The following GATAD2B variants were observed in gnomAD, a reference collection of about 807,000 sequenced individuals.
GATAD2B encodes the protein GATA zinc finger domain containing 2B.
Under a neutral mutation model 64.3 loss-of-function variants are expected in GATAD2B, and 8 were observed. The observed-to-expected ratio is 0.12, with a 90% CI of 0.07 to 0.22. The LOEUF (loss-of-function observed/expected upper bound fraction) is 0.22, where lower values mean the gene tolerates loss of function less well. Ranked by LOEUF, GATAD2B falls within the 10% of genes least tolerant of loss-of-function variation. The pLI is 1.00. For missense variants in GATAD2B, 453 were observed against 752.0 expected, an observed-to-expected ratio of 0.60 and a Z score of 4.65; for synonymous variants, 281 against 271.3, an observed-to-expected ratio of 1.04 and a Z score of -0.35.
intron 1 of GATAD2B, among the ~76,000 whole-genome samples, chr1:153,915,461 T>C (rs773479519): frequency 2.2e-4 from 33 of 151,796 alleles, no homozygotes; most frequent in Non-Finnish European, 4.1e-4. Flanking sequence ...ATAAAAATTA[T>C]GAGGGCAAAG....
chr1:153,819,540 C>T (rs1674600168), intron 3 of GATAD2B, 66 bp downstream of exon 3: 2 of 1,150,516 alleles, frequency 1.7e-6, no homozygotes, highest in Admixed American at 2.4e-5. Context: ...AGAACTAAAT[C>T]TCTTGAGGAA....
intron 1 of GATAD2B, among the ~76,000 whole-genome samples, chr1:153,904,163 C>T (rs1027226079): frequency 2.0e-5 from 3 of 151,948 alleles, no homozygotes; most frequent in African/African-American, 7.3e-5. Flanking sequence ...ATCTGTAATC[C>T]CAGCTACTTG....
At chr1:153,911,160 T>C (rs1678098578) in intron 1 of GATAD2B, among the ~76,000 whole-genome samples, 1 of 152,080 alleles carries the variant, frequency 6.6e-6, no homozygotes. Flanking sequence ...AGAAAAGCTT[T>C]CAAGAAATTA....
chr1:153,858,259 T>C (rs1365624073), intron 1 of GATAD2B, among the ~76,000 whole-genome samples: 2 of 152,144 alleles, frequency 1.3e-5, no homozygotes, highest in Non-Finnish European at 2.9e-5. Flanking sequence ...ATTCCCTTTA[T>C]TGAGTTAAAA....
At chr1:153,883,647 C>T (rs1049524426) in intron 1 of GATAD2B, among the ~76,000 whole-genome samples, 3 of 152,028 alleles carry the variant, frequency 2.0e-5, no homozygotes, top group Non-Finnish European at 4.4e-5. Context: ...TTTTTAACAA[C>T]CCATTCAAAG....
chr1:153,900,722 G>A (rs557251616), intron 1 of GATAD2B, among the ~76,000 whole-genome samples: 13 of 152,026 alleles, frequency 8.6e-5, no homozygotes, highest in Non-Finnish European at 1.8e-4. Context: ...AATATTTTAG[G>A]TTTTGGAGGC....
intron 1 of GATAD2B, among the ~76,000 whole-genome samples, chr1:153,830,430 G>A (rs1233903192): frequency 6.6e-6 from 1 of 151,124 alleles, no homozygotes; most frequent in Non-Finnish European, 1.5e-5. Flanking sequence ...ACAGGCATTA[G>A]CCACTGTGCC....
At chr1:153,891,437 C>T (rs1219702935) in intron 1 of GATAD2B, among the ~76,000 whole-genome samples, 6 of 149,494 alleles carry the variant, frequency 4.0e-5, no homozygotes, top group African/African-American at 7.4e-5. Flanking sequence ...GGTGTGGTGG[C>T]GGGCACCTGT....
chr1:153,817,521 C>A lies in GATAD2B; in HGVS notation c.751G>T (p.Ala251Ser). 1 of 1,603,998 alleles carries A rather than the reference C, an allele frequency of 6.2e-7. No homozygotes were observed. ...TLQGHSVIRS[A>S]TNTTLPHMLM... ...ATGTGTGGAAGGGTGGTATTGGTAG[C>A]TGAACGGATGACACTGTGACCCTGG... is the stretch of plus-strand genomic sequence containing the variant. The change falls in exon 6 of 11, where the codon GCT becomes TCT. Residue 251 changes from alanine to serine, a missense_variant. By Grantham distance (99) the Ala-to-Ser change is moderately conservative. Transcript: ENST00000368655.
chr1:153,890,442 C>A (rs1489914895), intron 1 of GATAD2B, among the ~76,000 whole-genome samples: 1 of 146,858 alleles, frequency 6.8e-6, no homozygotes, highest in Non-Finnish European at 1.5e-5. Flanking sequence ...GAGCCAAGAT[C>A]ACACCACTGC....
chr1:153,919,360 C>T (rs1177740026), intron 1 of GATAD2B, among the ~76,000 whole-genome samples: 1 of 152,180 alleles, frequency 6.6e-6, no homozygotes, highest in Non-Finnish European at 1.5e-5. Context: ...CTGGGACACT[C>T]CCTTCTTACT....
At chr1:153,848,560 A>T (rs1471629190) in intron 1 of GATAD2B, among the ~76,000 whole-genome samples, 1 of 152,158 alleles carries the variant, frequency 6.6e-6, no homozygotes, top group Non-Finnish European at 1.5e-5. Flanking sequence ...CATGGTTTTA[A>T]ATAGCATTTA....
chr1:153,835,434 C>A (rs879591146), intron 1 of GATAD2B, among the ~76,000 whole-genome samples: 11 of 151,720 alleles, frequency 7.3e-5, no homozygotes, highest in Non-Finnish European at 1.5e-4. Context: ...TAAGAAACTG[C>A]CAGGTTGGGC....
chr1:153,914,325 A>G (rs892733387), intron 1 of GATAD2B, among the ~76,000 whole-genome samples: 3 of 152,156 alleles, frequency 2.0e-5, no homozygotes, highest in Non-Finnish European at 2.9e-5. Flanking sequence ...CAGTTTATAA[A>G]GTAACCTTTA....
Position 153,823,065 on chromosome 1 carries a change from G to A in GATAD2B, c.336-3330C>T, listed in dbSNP as rs193014037. Among the ~76,000 whole-genome samples the A allele has an allele frequency of 7.8e-4, 118 of 152,016 alleles. 1 individual carries two copies. Among genetic ancestry groups the A allele is most frequent in the African/African-American group, 2.6e-3 (109 of 41,466 alleles). ...CTCCCAAAGTGCTGAGATTACAGGC[G>A]TGAGCCACCATGCCCTGCCTCATTT... On this transcript the variant is annotated intron_variant, in intron 2 of 10. Coordinates refer to ENST00000368655, the MANE Select transcript of GATAD2B (RefSeq NM_020699.4).
intron 1 of GATAD2B, among the ~76,000 whole-genome samples, chr1:153,848,858 G>A (rs1675780882): frequency 6.6e-6 from 1 of 152,158 alleles, no homozygotes. Flanking sequence ...GAAGGCTGAG[G>A]CAGAGAACTG....
chr1:153,917,103 G>A (rs575265146), intron 1 of GATAD2B, among the ~76,000 whole-genome samples: 5 of 145,272 alleles, frequency 3.4e-5, no homozygotes, highest in African/African-American at 1.3e-4. Flanking sequence ...CCCGCACCCG[G>A]CCTATTTTTT....
At chr1:153,862,915 G>A (rs979741223) in intron 1 of GATAD2B, among the ~76,000 whole-genome samples, 1 of 150,626 alleles carries the variant, frequency 6.6e-6, no homozygotes, top group East Asian at 2.0e-4. Flanking sequence ...GTAGAGACAG[G>A]GTTTCTTCAT....
intron 1 of GATAD2B, chr1:153,853,238 G>T: frequency 9.3e-7 from 1 of 1,080,270 alleles, no homozygotes; most frequent in Non-Finnish European, 1.4e-6. Context: ...CATGGCCACC[G>T]AGGTGATGGT....
Sources: allele counts gnomAD v4.1 joint callset (sites outside exome capture counted in the v4.1 genomes callset), GRCh38; gene constraint gnomAD v4.1.1; transcripts MANE v1.5; gene names NCBI Gene and HGNC (gene_info 2026-07-23, HGNC 2026-07-21).